PDZRN3: variants seen among roughly 807,000 people sequenced by gnomAD.
PDZRN3 encodes E3 ubiquitin-protein ligase PDZRN3.
PDZRN3 carries 38 observed loss-of-function variants against 85.7 expected under a neutral mutation model. The ratio of observed to expected loss-of-function variants is 0.44; its 90% CI spans 0.34 to 0.58. The LOEUF (loss-of-function observed/expected upper bound fraction) is 0.58, where lower values mean the gene tolerates loss of function less well. Ranked by LOEUF, PDZRN3 falls within the 20% of genes least tolerant of loss-of-function variation. The pLI is 0.01. For synonymous variants in PDZRN3, 759 were observed against 638.0 expected, an observed-to-expected ratio of 1.19 and a Z score of -2.86; for missense variants, 1,629 against 1,506.4, an observed-to-expected ratio of 1.08 and a Z score of -1.35.
At chr3:73,463,202 C>T (rs1201541646) in intron 3 of PDZRN3, among the ~76,000 whole-genome samples, 1 of 152,136 alleles carries the variant, frequency 6.6e-6, no homozygotes, top group African/African-American at 2.4e-5. Context: ...CAACCAAGGC[C>T]CATCCTTACT....
chr3:73,506,235 T>G (rs1704068518), intron 3 of PDZRN3, among the ~76,000 whole-genome samples: 3 of 152,194 alleles, frequency 2.0e-5, no homozygotes, highest in African/African-American at 7.2e-5. Flanking sequence ...CAGGTTGATC[T>G]TGCAACGTCC....
chr3:73,390,959 A>G (rs935418136), intron 6 of PDZRN3, 59 bp downstream of exon 6: 1 of 1,195,970 alleles, frequency 8.4e-7, no homozygotes, highest in East Asian at 2.3e-5. Flanking sequence ...GTGAACATGA[A>G]AAAAAAAACC....
At chr3:73,594,735 G>A (rs1702409171) in intron 3 of PDZRN3, among the ~76,000 whole-genome samples, 1 of 152,074 alleles carries the variant, frequency 6.6e-6, no homozygotes, top group African/African-American at 2.4e-5. Flanking sequence ...TGTTGCTGTA[G>A]TAAAGACTAT....
chr3:73,514,596 T>G (rs1704224369), intron 3 of PDZRN3, among the ~76,000 whole-genome samples: 1 of 152,242 alleles, frequency 6.6e-6, no homozygotes, highest in Non-Finnish European at 1.5e-5. Flanking sequence ...CCAATTGGTC[T>G]GAATCTTCTA....
At position 73,470,937 on chromosome 3, in the gene PDZRN3, T is replaced by C. The variant is rs536034641; in HGVS notation, c.919-66542A>G. On this transcript the variant is annotated intron_variant, in intron 3 of 9. Coordinates refer to ENST00000263666, the MANE Select transcript of PDZRN3 (RefSeq NM_015009.3). The stretch of plus-strand genomic sequence containing the variant: ...TGACTTAGACAACAAAAGGAAATAA[T>C]TGATTCCATTTTGCAATTTTAAAAC... 2.4e-4 allele frequency among the ~76,000 whole-genome samples: 37 copies of C among 152,334 alleles called. 1 individual carries two copies. In the South Asian group the frequency reaches 7.2e-3, roughly 30 times the overall value.
intron 3 of PDZRN3, among the ~76,000 whole-genome samples, chr3:73,477,853 G>C (rs1240524058): frequency 6.6e-6 from 1 of 152,142 alleles, no homozygotes; most frequent in Non-Finnish European, 1.5e-5. Flanking sequence ...TGAATAAAGA[G>C]CAAAGGCATG....
intron 3 of PDZRN3, among the ~76,000 whole-genome samples, chr3:73,423,297 A>G (rs547380977): frequency 2.0e-5 from 3 of 152,324 alleles, no homozygotes; most frequent in African/African-American, 7.2e-5. Context: ...TTCTAATGTT[A>G]TGTGCCACAA....
chr3:73,594,325 A>T (rs4234181), intron 3 of PDZRN3, among the ~76,000 whole-genome samples: 136,532 of 152,216 alleles, frequency 0.9, 61,290 homozygotes, highest in African/African-American at 0.94. Flanking sequence ...AGCTCCACAT[A>T]CTTGCTGATA....
chr3:73,396,972 G>T (rs1200889507), intron 5 of PDZRN3, among the ~76,000 whole-genome samples: 1 of 151,674 alleles, frequency 6.6e-6, no homozygotes, highest in African/African-American at 2.4e-5. Flanking sequence ...ACCTAAATAT[G>T]ATCATTTTGT....
At chr3:73,470,297 C>T (rs1703310171) in intron 3 of PDZRN3, among the ~76,000 whole-genome samples, 2 of 152,294 alleles carry the variant, frequency 1.3e-5, no homozygotes, top group South Asian at 2.1e-4. Context: ...AGTGAAATTG[C>T]CGTGTAAACT....
At chr3:73,386,226 C>CTTTATTTTTTTTTTTTTT (rs1701381883) in intron 8 of PDZRN3, among the ~76,000 whole-genome samples, 1 of 90,730 alleles carries the variant, frequency 1.1e-5, no homozygotes. Flanking sequence ...CAAGATATCA[C>CTTTATTTTTTTTTTTTTT]TTTTTTTTTT....
At chr3:73,498,474 C>T (rs1302707845) in intron 3 of PDZRN3, among the ~76,000 whole-genome samples, 1 of 151,524 alleles carries the variant, frequency 6.6e-6, no homozygotes, top group African/African-American at 2.4e-5. Flanking sequence ...GTACTTTTTC[C>T]CTAACTGCAA....
intron 3 of PDZRN3, among the ~76,000 whole-genome samples, chr3:73,520,890 G>C (rs1225780986): frequency 6.6e-6 from 1 of 152,192 alleles, no homozygotes; most frequent in Non-Finnish European, 1.5e-5. Flanking sequence ...TACAAGCAAG[G>C]ATAACATCAC....
intron 3 of PDZRN3, among the ~76,000 whole-genome samples, chr3:73,448,484 CA>C (rs1702794936): frequency 6.6e-6 from 1 of 152,186 alleles, no homozygotes; most frequent in Non-Finnish European, 1.5e-5. Context: ...AGATGTGCCA[CA>C]GCAGCTGTCT....
rs1185633000 is a variant in PDZRN3 at position 73,401,026 on chromosome 3, C to T, written c.1167-17G>A. ...GAGGGATGCCTGAAAAGAGATGCAA[C>T]ATCTTTACAGCCCTTCTTCCGTTGT... On this transcript the variant is annotated splice_polypyrimidine_tract_variant and intron_variant, in intron 4 of 9. Transcript: ENST00000263666. 6.5e-7 allele frequency: 1 copy of T among 1,544,822 alleles called. No homozygotes were observed.
intron 3 of PDZRN3, among the ~76,000 whole-genome samples, chr3:73,491,350 TG>T (rs956995042): frequency 4.6e-5 from 7 of 152,162 alleles, no homozygotes; most frequent in African/African-American, 1.7e-4. Context: ...TCTTGATATC[TG>T]AATGCTTTTT....
intron 3 of PDZRN3, among the ~76,000 whole-genome samples, chr3:73,452,832 C>CAT (rs1491309622): frequency 4.9e-5 from 2 of 40,918 alleles, no homozygotes; most frequent in Non-Finnish European, 1.0e-4. Context: ...TCTAACGGTC[C>CAT]ATATATCTGT....
intron 3 of PDZRN3, among the ~76,000 whole-genome samples, chr3:73,530,475 C>T (rs574242761): frequency 2.0e-5 from 3 of 152,152 alleles, no homozygotes; most frequent in South Asian, 2.1e-4. Context: ...CAATTCTTGG[C>T]GCTTTGAGAA....
At chr3:73,508,153 G>A (rs185377027) in intron 3 of PDZRN3, among the ~76,000 whole-genome samples, 19 of 151,716 alleles carry the variant, frequency 1.3e-4, no homozygotes, top group Non-Finnish European at 2.4e-4. Context: ...CTTGGCTATC[G>A]ACTAGAAATG....
Sources: gnomAD v4.1 joint callset for allele counts (sites outside exome capture counted in the v4.1 genomes callset) on GRCh38, gnomAD v4.1.1 for gene constraint, MANE v1.5 for transcripts, NCBI Gene and HGNC (gene_info 2026-07-23, HGNC 2026-07-21) for gene names.